NEK10: variants seen among roughly 807,000 people sequenced by gnomAD.
NEK10 encodes the protein NIMA related kinase 10, also known as serine/threonine-protein kinase Nek10.
NEK10 carries 122 observed loss-of-function variants against 159.8 expected under a neutral mutation model. The observed-to-expected ratio is 0.76, with a 90% confidence interval of 0.66 to 0.89. The LOEUF (loss-of-function observed/expected upper bound fraction) is 0.89. Ranked by LOEUF, NEK10 falls within the 40% of genes least tolerant of loss-of-function variation. NEK10 has a pLI of 0.00. For missense variants in NEK10, 1,342 were observed against 1,323.1 expected (o/e 1.01, Z -0.22); for synonymous variants, 466 against 457.1 (o/e 1.02, Z -0.25).
chr3:27,214,461 T>C (rs987693095), intron 23 of NEK10, among the ~76,000 whole-genome samples: 3 of 152,214 alleles, frequency 2.0e-5, no homozygotes, highest in Non-Finnish European at 2.9e-5. Context: ...TCCCTCCTCC[T>C]GTAAGCAAGA....
chr3:27,147,210 C>G (rs1419154844), intron 30 of NEK10, among the ~76,000 whole-genome samples: 1 of 152,142 alleles, frequency 6.6e-6, no homozygotes, highest in Non-Finnish European at 1.5e-5. Flanking sequence ...ATCTACAGTG[C>G]ACTGTAGCTG....
intron 22 of NEK10, among the ~76,000 whole-genome samples, chr3:27,257,104 C>A (rs552915334): frequency 6.6e-6 from 1 of 151,904 alleles, no homozygotes; most frequent in African/African-American, 2.4e-5. Flanking sequence ...TTAGTAGAGA[C>A]GTGGTTTTAC....
rs1222612564 is a variant in NEK10 at position 27,204,592 on chromosome 3, G to T, written c.2091-2035C>A. ...TTTTGTTCTTGCGATAGTTTACTGA[G>T]AATGATGATTTCCAATTTCATCCAT... On this transcript the variant is annotated intron_variant, in intron 23 of 35. Transcript: ENST00000691995. Among the ~76,000 whole-genome samples the T allele has an allele frequency of 1.5e-3, 185 of 124,924 alleles. 1 individual carries two copies. The highest frequency in any genetic ancestry group is 5.3e-3 in the African/African-American group (180 of 34,186). 82.0% of individuals were successfully genotyped at this position (124,924 alleles called of 152,430 possible).
intron 22 of NEK10, among the ~76,000 whole-genome samples, chr3:27,274,434 G>A (rs1170088620): frequency 6.6e-6 from 1 of 152,140 alleles, no homozygotes; most frequent in Non-Finnish European, 1.5e-5. Flanking sequence ...GACTCAAATA[G>A]ACACTGTATC....
intron 23 of NEK10, chr3:27,252,301 G>C (rs565053181): frequency 8.7e-6 from 4 of 459,774 alleles, no homozygotes; most frequent in Admixed American, 4.7e-5. Flanking sequence ...CTCTACATAA[G>C]TGGCATTTAA....
intron 33 of NEK10, 34 bp downstream of exon 33, chr3:27,119,726 T>C: frequency 6.6e-7 from 1 of 1,506,434 alleles, no homozygotes; most frequent in Non-Finnish European, 9.2e-7. Flanking sequence ...TATTTCTTCA[T>C]GAAAGCCAGG....
At chr3:27,240,909 C>T (rs1954486606) in intron 23 of NEK10, among the ~76,000 whole-genome samples, 1 of 152,116 alleles carries the variant, frequency 6.6e-6, no homozygotes, top group South Asian at 2.1e-4. Context: ...CTGCCTTGGC[C>T]TCCTAAAGTG....
chr3:27,152,096 C>T (rs761549737), intron 30 of NEK10, among the ~76,000 whole-genome samples: 1 of 152,124 alleles, frequency 6.6e-6, no homozygotes, highest in Admixed American at 6.5e-5. Flanking sequence ...GGAACAATTC[C>T]TAGCCTTGCT....
At chr3:27,127,575 C>T (rs2125493128) in intron 32 of NEK10, among the ~76,000 whole-genome samples, 1 of 152,196 alleles carries the variant, frequency 6.6e-6, no homozygotes, top group Middle Eastern at 3.4e-3. Flanking sequence ...TGTATCTAAA[C>T]ATATTTGAAT....
chr3:27,195,031 A>T (rs751658019), intron 25 of NEK10, among the ~76,000 whole-genome samples: 6 of 152,354 alleles, frequency 3.9e-5, no homozygotes, highest in Admixed American at 1.3e-4. Context: ...AGCAAACAGG[A>T]AAAAGGAAAG....
Position 27,302,230 on chromosome 3 carries a change from T to G in NEK10, c.1029-395A>C, listed in dbSNP as rs115463081. On this transcript the variant is annotated intron_variant, in intron 12 of 35. Coordinates refer to ENST00000691995, the MANE Select transcript of NEK10 (RefSeq NM_001394966.1). ...TCATATCTTGGAAATGTTTGGCCCT[T>G]TTCATTTTACTCTGTACTTCAGGGA... is the stretch of plus-strand genomic sequence containing the variant. 8.9e-3 allele frequency among the ~76,000 whole-genome samples: 1,350 copies of G among 152,334 alleles called. 24 individuals are homozygous for G. Among genetic ancestry groups the G allele is most frequent in the African/African-American group, 0.03 (1,241 of 41,580 alleles).
In NEK10 at chr3:27,107,127, A is replaced by G. The variant is rs112593516; in HGVS notation, c.*4145T>C. Among the ~76,000 whole-genome samples the G allele has an allele frequency of 0.015, 2,229 of 152,202 alleles. 49 individuals carry two copies. The highest frequency in any genetic ancestry group is 0.051 in the African/African-American group (2,099 of 41,504). On this transcript the variant is annotated 3_prime_UTR_variant, in exon 36 of 36. Transcript: ENST00000691995. ...AATTGTTACATACATGCAATAAAGC[A>G]TCTAGTATACCTCACATAGCAAGTA...
intron 25 of NEK10, among the ~76,000 whole-genome samples, chr3:27,195,430 G>C (rs1190204654): frequency 6.6e-6 from 1 of 152,162 alleles, no homozygotes; most frequent in Admixed American, 6.5e-5. Flanking sequence ...ATTGATTTCA[G>C]TTTTAAGTCA....
At chr3:27,168,342 T>C (rs1559543857) in intron 29 of NEK10, among the ~76,000 whole-genome samples, 1 of 152,298 alleles carries the variant, frequency 6.6e-6, no homozygotes, top group South Asian at 2.1e-4. Context: ...TATCTTCTTT[T>C]ATATTCAAAC....
chr3:27,126,904 A>G (rs1261741613), intron 32 of NEK10, among the ~76,000 whole-genome samples: 1 of 152,140 alleles, frequency 6.6e-6, no homozygotes, highest in Non-Finnish European at 1.5e-5. Context: ...GCTCTTGAAC[A>G]GAAAATAACC....
intron 23 of NEK10, among the ~76,000 whole-genome samples, chr3:27,217,171 G>T (rs1031445490): frequency 3.3e-5 from 5 of 152,106 alleles, no homozygotes; most frequent in African/African-American, 1.2e-4. Flanking sequence ...CATGGCCTCA[G>T]ATGGGTTTTA....
At chr3:27,219,478 C>T (rs1951876009) in intron 23 of NEK10, among the ~76,000 whole-genome samples, 1 of 152,180 alleles carries the variant, frequency 6.6e-6, no homozygotes, top group Non-Finnish European at 1.5e-5. Context: ...ATCTGCTTAG[C>T]TGTATGAGAT....
chr3:27,333,894 A>T (rs764269976), intron 5 of NEK10, among the ~76,000 whole-genome samples: 13 of 152,194 alleles, frequency 8.5e-5, no homozygotes, highest in African/African-American at 3.1e-4. Flanking sequence ...AGTGGCACAC[A>T]TGCTTAACAT....
At position 27,256,277 on chromosome 3, in the gene NEK10, A is replaced by G. The variant is rs9826020; in HGVS notation, c.2090+19T>C. The G allele has an allele frequency of 6.9e-4, 873 of 1,268,386 alleles. 8 individuals are homozygous for G. The African/African-American group carries it at 0.012, about 17-fold the overall frequency. The allele number at this position is 1,268,386 out of a possible 1,614,324, so 78.6% of individuals were successfully genotyped here. On this transcript the variant is annotated intron_variant, in intron 23 of 35. Transcript: ENST00000691995. ...CAGTTAAGTATGATGTTTGAGAGCC[A>G]TAAAAGAATTGTCCTTACCAAGAAT...
Sources: allele counts gnomAD v4.1 joint callset (sites outside exome capture counted in the v4.1 genomes callset), GRCh38; gene constraint gnomAD v4.1.1; transcripts MANE v1.5; gene names NCBI Gene and HGNC (gene_info 2026-07-23, HGNC 2026-07-21).